The following MTUS1 variants were observed in gnomAD, a reference collection of about 807,000 sequenced individuals.
MTUS1 encodes the protein microtubule-associated tumor suppressor 1.
Under a neutral mutation model 120.8 loss-of-function variants are expected in MTUS1, and 109 were observed. That is an observed-to-expected ratio of 0.90 (90% CI 0.77 to 1.06). The LOEUF (loss-of-function observed/expected upper bound fraction) is 1.06. Among genes scored for constraint, MTUS1 ranks in the 50% least tolerant of loss-of-function variants. The pLI is 0.00. For missense variants in MTUS1, 2,210 were observed against 1,486.3 expected (o/e 1.49, Z -8.01); for synonymous variants, 737 against 550.5 (o/e 1.34, Z -4.74).
At chr8:17,784,392 T>C (rs553603611) in intron 1 of MTUS1, among the ~76,000 whole-genome samples, 82 of 148,968 alleles carry the variant, frequency 5.5e-4, no homozygotes, top group Middle Eastern at 6.9e-3. Flanking sequence ...ACCTCCCACA[T>C]TGAAGTGATT....
At chr8:17,724,649 A>C (rs1563272673) in intron 3 of MTUS1, among the ~76,000 whole-genome samples, 1 of 152,206 alleles carries the variant, frequency 6.6e-6, no homozygotes, top group Non-Finnish European at 1.5e-5. Flanking sequence ...GGCATCTCTG[A>C]AACTACATTC....
At chr8:17,666,590 G>A (rs1195538050) in intron 8 of MTUS1, among the ~76,000 whole-genome samples, 1 of 152,136 alleles carries the variant, frequency 6.6e-6, no homozygotes, top group African/African-American at 2.4e-5. Context: ...CATTAAAAGT[G>A]CAGATTCCTC....
chr8:17,674,985 G>T, intron 8 of MTUS1: 1 of 1,401,588 alleles, frequency 7.1e-7, no homozygotes, highest in Non-Finnish European at 9.3e-7. Flanking sequence ...AGTCAGATCA[G>T]TGCCAGGAAT....
At chr8:17,657,201 TA>T (rs1808498871) in intron 8 of MTUS1, among the ~76,000 whole-genome samples, 1 of 151,350 alleles carries the variant, frequency 6.6e-6, no homozygotes, top group Non-Finnish European at 1.5e-5. Context: ...ACAAATATCT[TA>T]GGGAAAAAAA....
chr8:17,656,405 G>A (rs993641780), intron 8 of MTUS1, among the ~76,000 whole-genome samples: 1 of 151,906 alleles, frequency 6.6e-6, no homozygotes, highest in African/African-American at 2.4e-5. Flanking sequence ...GCAGGTGCCT[G>A]TAATCCCAGC....
At chr8:17,753,302 T>G (rs2048333780) in intron 2 of MTUS1, among the ~76,000 whole-genome samples, 1 of 152,230 alleles carries the variant, frequency 6.6e-6, no homozygotes, top group Non-Finnish European at 1.5e-5. Context: ...GTTATTTTTA[T>G]GTTGACATGT....
intron 6 of MTUS1, among the ~76,000 whole-genome samples, chr8:17,689,465 G>A (rs985321408): frequency 2.0e-5 from 3 of 152,090 alleles, no homozygotes; most frequent in South Asian, 4.1e-4. Flanking sequence ...GGTTAATTAC[G>A]CTTATAAAAT....
At chr8:17,750,784 C>T (rs1324890617) in intron 2 of MTUS1, among the ~76,000 whole-genome samples, 2 of 152,204 alleles carry the variant, frequency 1.3e-5, no homozygotes, top group Admixed American at 6.5e-5. Context: ...AATTCCTTTC[C>T]TTTTAGGTTA....
intron 2 of MTUS1, 51 bp downstream of exon 2, chr8:17,753,665 GT>G: frequency 7.9e-7 from 1 of 1,272,222 alleles, no homozygotes. Flanking sequence ...ACACATCTCA[GT>G]TTTCTCCACA....
chr8:17,709,875 C>T (rs1017004256), intron 6 of MTUS1, among the ~76,000 whole-genome samples: 13 of 151,614 alleles, frequency 8.6e-5, no homozygotes, highest in Admixed American at 2.0e-4. Context: ...GGCATGGTGG[C>T]GAGCACCTGT....
chr8:17,650,666 A>C (rs955683003), intron 12 of MTUS1, among the ~76,000 whole-genome samples: 5 of 152,170 alleles, frequency 3.3e-5, no homozygotes, highest in African/African-American at 1.2e-4. Context: ...CTGTGAATGC[A>C]CCACTGCATT....
chr8:17,686,501 TATC>T (rs943298133), intron 6 of MTUS1, among the ~76,000 whole-genome samples: 5 of 152,214 alleles, frequency 3.3e-5, no homozygotes, highest in Admixed American at 1.3e-4. Context: ...ATTCTCCTGA[TATC>T]ATTTGTATAT....
chr8:17,689,549 C>T (rs1455841011), intron 6 of MTUS1, among the ~76,000 whole-genome samples: 1 of 152,182 alleles, frequency 6.6e-6, no homozygotes, highest in East Asian at 1.9e-4. Flanking sequence ...CCAAATTTCT[C>T]ATACTCTTAT....
chr8:17,682,760 A>C (rs1340814471), intron 7 of MTUS1, among the ~76,000 whole-genome samples: 1 of 152,112 alleles, frequency 6.6e-6, no homozygotes, highest in African/African-American at 2.4e-5. Context: ...AAACATAAAA[A>C]CTAATTGTTC....
chr8:17,748,344 GCTAAATAAAATTATCTGCCTCCACCAT>G, intron 2 of MTUS1: 1 of 152,234 alleles, frequency 6.6e-6, no homozygotes, highest in Non-Finnish European at 1.5e-5. Context: ...CACTTTCATT[GCTAAATAAAATTATCTGCCTCCACCAT>G]CCTTCAGGTG....
chr8:17,707,751 G>C (rs947942438), intron 6 of MTUS1, among the ~76,000 whole-genome samples: 1 of 152,170 alleles, frequency 6.6e-6, no homozygotes, highest in Non-Finnish European at 1.5e-5. Flanking sequence ...TACTAATCAA[G>C]ACAGTGTAGC....
In MTUS1 at chr8:17,753,812, T is replaced by G; in HGVS notation, c.1996A>C (p.Lys666Gln). ...VPNIDRISPE[K>Q]KGEKENGTSM... is the part of the protein sequence containing the mutation. ...GTCCCATTTTCTTTTTCACCCTTCTTTTCAGGGCTAATCCTATCAATGTTG... is the reference window on the plus strand; with the variant it reads ...GTCCCATTTTCTTTTTCACCCTTCTGTTCAGGGCTAATCCTATCAATGTTG... Residue 666 changes from lysine to glutamine, a missense_variant, in exon 2 of 15, where the codon AAG becomes CAG. Transcript: ENST00000693296. 2 of 1,614,120 alleles carry G rather than the reference T, an allele frequency of 1.2e-6. No individual in the cohort carries two copies. The highest frequency in any genetic ancestry group is 1.7e-6 in the Non-Finnish European group (2 of 1,180,012).
chr8:17,755,302 T>G lies in MTUS1; in HGVS notation c.506A>C (p.Asn169Thr), dbSNP rs763082758. Residue 169 changes from asparagine (N) to threonine (T), a missense_variant, in exon 2 of 15, where the codon AAC becomes ACC. Coordinates refer to ENST00000693296, the MANE Select transcript of MTUS1 (RefSeq NM_001363059.2). ...GGCATGATGTGATATAAAGGTGCAG[T>G]TAACTTTATCCACTGTCATGTCAAA... The part of the protein sequence containing the change: ...QTFDMTVDKV[N>T]CTFISHHAIG... The G allele has an allele frequency of 1.2e-6, 2 of 1,614,224 alleles. No homozygotes were observed. Among genetic ancestry groups the G allele is most frequent in the Admixed American group, 3.3e-5 (2 of 60,022 alleles).
chr8:17,705,171 A>G (rs927937752), intron 6 of MTUS1, among the ~76,000 whole-genome samples: 1 of 151,966 alleles, frequency 6.6e-6, no homozygotes, highest in Non-Finnish European at 1.5e-5. Context: ...TTTGGTAGAG[A>G]TGGGGTCTCA....
Sources: allele counts gnomAD v4.1 joint callset (sites outside exome capture counted in the v4.1 genomes callset), GRCh38; gene constraint gnomAD v4.1.1; transcripts MANE v1.5; gene names NCBI Gene and HGNC (gene_info 2026-07-23, HGNC 2026-07-21).